UNC13C: variants seen among roughly 807,000 people sequenced by gnomAD.
UNC13C encodes protein unc-13 homolog C.
Under a neutral mutation model 245.4 loss-of-function variants are expected in UNC13C, and 174 were observed. The observed-to-expected ratio is 0.71, with a 90% CI of 0.63 to 0.80. The LOEUF is 0.80. UNC13C is among the 30% of genes least tolerant of loss of function. The probability of loss-of-function intolerance (pLI) is 0.00; values close to 1 mark genes in which losing one functional copy is unlikely to be tolerated. For synonymous variants in UNC13C, 992 were observed against 895.1 expected, an observed-to-expected ratio of 1.11 and a Z score of -1.93; for missense variants, 2,829 against 2,602.9, an observed-to-expected ratio of 1.09 and a Z score of -1.89.
In UNC13C at chr15:54,500,853, C is replaced by A. The variant is rs1195951814; in HGVS notation, c.5176C>A (p.His1726Asn). ...KKDGFQQTSE[H>N]ALFSCSVVDV... The stretch of plus-strand genomic sequence containing the variant: ...CCCACAGTTCCAGCAGACATCTGAG[C>A]ATGCTCTCTTTTCTTGCTCCGTGGT... The change falls in exon 22 of 33, where the codon CAT becomes AAT. Residue 1726 changes from histidine (H) to asparagine (N), a missense_variant. His to Asn is a moderately conservative substitution (Grantham distance 68). Coordinates refer to ENST00000260323, the MANE Select transcript of UNC13C (RefSeq NM_001080534.3). 1 of 1,612,842 alleles carries A rather than the reference C, an allele frequency of 6.2e-7. No individual in the cohort carries two copies. The highest frequency in any genetic ancestry group is 2.2e-5 in the East Asian group (1 of 44,854).
intron 2 of UNC13C, among the ~76,000 whole-genome samples, chr15:54,131,337 T>C (rs1364525426): frequency 6.6e-6 from 1 of 152,164 alleles, no homozygotes; most frequent in African/African-American, 2.4e-5. Flanking sequence ...CTTGAAAATA[T>C]TGTGTGATTC....
intron 2 of UNC13C, among the ~76,000 whole-genome samples, chr15:54,098,153 A>C (rs1254092926): frequency 6.6e-6 from 1 of 151,848 alleles, no homozygotes; most frequent in South Asian, 2.1e-4. Context: ...CACTTTGGTG[A>C]CTCCCTCTAT....
At chr15:54,217,508 C>A (rs1490869550) in intron 4 of UNC13C, among the ~76,000 whole-genome samples, 1 of 151,910 alleles carries the variant, frequency 6.6e-6, no homozygotes, top group Non-Finnish European at 1.5e-5. Flanking sequence ...CTGCCAGAGG[C>A]TCTTTCATTA....
intron 32 of UNC13C, among the ~76,000 whole-genome samples, chr15:54,626,383 C>T (rs1338116750): frequency 6.6e-6 from 1 of 151,816 alleles, no homozygotes; most frequent in Non-Finnish European, 1.5e-5. Flanking sequence ...TGAGAAAAGA[C>T]TCCTAGATAT....
chr15:54,100,518 A>G (rs905150052), intron 2 of UNC13C, among the ~76,000 whole-genome samples: 1 of 151,870 alleles, frequency 6.6e-6, no homozygotes, highest in African/African-American at 2.4e-5. Flanking sequence ...TCTCTTCTCC[A>G]TTTACACTCT....
chr15:54,424,603 CAT>C (rs1298467367), intron 19 of UNC13C, among the ~76,000 whole-genome samples: 21 of 151,956 alleles, frequency 1.4e-4, no homozygotes, highest in Non-Finnish European at 2.8e-4. Context: ...ATAACATTCA[CAT>C]GTGTGTTATG....
At chr15:54,616,259 C>T (rs1263461918) in intron 30 of UNC13C, among the ~76,000 whole-genome samples, 2 of 151,908 alleles carry the variant, frequency 1.3e-5, no homozygotes, top group Non-Finnish European at 2.9e-5. Context: ...AATAGGGAGT[C>T]CTAGGAAACA....
the UNC13C span, among the ~76,000 whole-genome samples, chr15:53,885,938 A>G: frequency 6.6e-6 from 1 of 152,112 alleles, no homozygotes; most frequent in Non-Finnish European, 1.5e-5. Flanking sequence ...ACCCTGCTAT[A>G]CCTGTGTACT....
chr15:54,501,335 T>C (rs573481744), intron 22 of UNC13C, among the ~76,000 whole-genome samples: 2 of 152,246 alleles, frequency 1.3e-5, no homozygotes, highest in East Asian at 3.9e-4. Flanking sequence ...GCAGACATTG[T>C]AGTATAGTGC....
chr15:54,568,008 C>G, intron 30 of UNC13C, 61 bp downstream of exon 30: 1 of 1,277,682 alleles, frequency 7.8e-7, no homozygotes, highest in Non-Finnish European at 1.0e-6. Flanking sequence ...AATTTAACAT[C>G]AGAATTATTA....
rs192478178 is a variant in UNC13C at position 54,051,351 on chromosome 15, T to C, written c.2983+35465T>C. Reference sequence around the variant, plus strand: ...AAATGATTATAGAGTGTCTTGACACTCATTATTTAAAAAGTGTACTTTTTT... The same window carrying C: ...AAATGATTATAGAGTGTCTTGACACCCATTATTTAAAAAGTGTACTTTTTT... On this transcript the variant is annotated intron_variant, in intron 2 of 32. Transcript: ENST00000260323. Among the ~76,000 whole-genome samples the C allele has an allele frequency of 6.6e-3, 1,008 of 152,268 alleles. 13 individuals are homozygous for C. Among genetic ancestry groups the C allele is most frequent in the African/African-American group, 0.024 (978 of 41,578 alleles).
chr15:54,102,384 C>CTTCAGGAGG (rs1900209421), intron 2 of UNC13C, among the ~76,000 whole-genome samples: 1 of 152,132 alleles, frequency 6.6e-6, no homozygotes, highest in African/African-American at 2.4e-5. Context: ...CCTTGAGAAC[C>CTTCAGGAGG]TCCTGTCCTG....
At chr15:54,345,542 G>A (rs1053091768) in intron 17 of UNC13C, among the ~76,000 whole-genome samples, 3 of 152,178 alleles carry the variant, frequency 2.0e-5, no homozygotes, top group African/African-American at 7.2e-5. Flanking sequence ...CTACCAGGTG[G>A]TGAAGGGCTG....
chr15:54,089,660 C>T (rs934682999), intron 2 of UNC13C, among the ~76,000 whole-genome samples: 4 of 140,452 alleles, frequency 2.8e-5, no homozygotes, highest in Non-Finnish European at 4.6e-5. Flanking sequence ...CTTCCAATAT[C>T]TTTTTTTTTT....
At chr15:54,141,111 G>T (rs979503132) in intron 2 of UNC13C, among the ~76,000 whole-genome samples, 4 of 152,106 alleles carry the variant, frequency 2.6e-5, no homozygotes, top group Non-Finnish European at 4.4e-5. Context: ...AAATATTGCA[G>T]ATTTGAAATC....
rs56041311 is a variant in UNC13C at position 54,538,133 on chromosome 15, C to CAAAAAAAAAAA, written c.5696+5088_5696+5098dup. On this transcript the variant is annotated intron_variant, in intron 26 of 32. Coordinates refer to ENST00000260323, the MANE Select transcript of UNC13C (RefSeq NM_001080534.3). The stretch of plus-strand genomic sequence containing the variant: ...TAAGGAGCTTAAATACATTAACAAG[C>CAAAAAAAAAAA]AAAAAAAAAAAAAAAAAAAAAAAAA... 1.1e-3 allele frequency among the ~76,000 whole-genome samples: 11 copies of CAAAAAAAAAAA among 10,234 alleles called. 2 individuals are homozygous for CAAAAAAAAAAA. Among genetic ancestry groups the CAAAAAAAAAAA allele is most frequent in the East Asian group, 4.7e-3 (1 of 214 alleles). 6.7% of individuals were successfully genotyped at this position (10,234 alleles called of 152,430 possible). A position where few individuals can be genotyped will look rare whatever the true frequency, so the allele number is the denominator to read the frequency against.
intron 10 of UNC13C, among the ~76,000 whole-genome samples, chr15:54,267,689 T>A (rs955376762): frequency 1.2e-4 from 19 of 152,088 alleles, no homozygotes; most frequent in African/African-American, 4.3e-4. Context: ...CAACTGCTTT[T>A]AAAATATTTT....
the UNC13C span, among the ~76,000 whole-genome samples, chr15:53,965,662 C>T: frequency 1.3e-5 from 2 of 151,742 alleles, no homozygotes; most frequent in African/African-American, 2.4e-5. Context: ...GTGTGCTGCA[C>T]CCACTAACTC....
chr15:54,372,174 A>T (rs182482120), intron 17 of UNC13C, among the ~76,000 whole-genome samples: 9 of 152,288 alleles, frequency 5.9e-5, no homozygotes, highest in Non-Finnish European at 1.2e-4. Context: ...TCTGCAGTGG[A>T]TGCATATATC....
Sources: allele counts gnomAD v4.1 joint callset (sites outside exome capture counted in the v4.1 genomes callset), GRCh38; gene constraint gnomAD v4.1.1; transcripts MANE v1.5; gene names NCBI Gene and HGNC (gene_info 2026-07-23, HGNC 2026-07-21).